The following MACROD2 variants were observed in gnomAD, a reference collection of about 807,000 sequenced individuals.
MACROD2 encodes ADP-ribose glycohydrolase MACROD2.
In MACROD2, 36 loss-of-function variants were observed where a neutral mutation model predicts 70.4. The observed-to-expected ratio is 0.51, with a 90% confidence interval of 0.39 to 0.68. The LOEUF (loss-of-function observed/expected upper bound fraction) is 0.68, where lower values mean the gene tolerates loss of function less well. Among genes scored for constraint, MACROD2 ranks in the 30% least tolerant of loss-of-function variants. The probability of loss-of-function intolerance (pLI) is 0.00; values close to 1 mark genes in which losing one functional copy is unlikely to be tolerated. For synonymous variants in MACROD2, 172 were observed against 178.8 expected, an observed-to-expected ratio of 0.96 and a Z score of 0.30; for missense variants, 496 against 538.4, an observed-to-expected ratio of 0.92 and a Z score of 0.78.
At chr20:15,033,919 C>T (rs535859211) in intron 5 of MACROD2, among the ~76,000 whole-genome samples, 10 of 152,190 alleles carry the variant, frequency 6.6e-5, no homozygotes, top group Admixed American at 1.3e-4. Context: ...GTTTAACCAA[C>T]GTTTTATTAA....
chr20:15,745,723 T>G (rs1048145677), intron 8 of MACROD2, among the ~76,000 whole-genome samples: 1 of 152,202 alleles, frequency 6.6e-6, no homozygotes, highest in African/African-American at 2.4e-5. Context: ...CCACTTAGTA[T>G]CCACATCATA....
intron 5 of MACROD2, among the ~76,000 whole-genome samples, chr20:15,041,750 T>A (rs1431539425): frequency 2.0e-5 from 3 of 152,158 alleles, no homozygotes; most frequent in Non-Finnish European, 2.9e-5. Flanking sequence ...AAACTGAATT[T>A]TTTAATTTAT....
At chr20:15,801,768 G>A (rs1300132944) in intron 8 of MACROD2, among the ~76,000 whole-genome samples, 1 of 152,048 alleles carries the variant, frequency 6.6e-6, no homozygotes, top group African/African-American at 2.4e-5. Flanking sequence ...GCATTGCATT[G>A]AATCTCTAGA....
chr20:15,152,054 T>C (rs1404694939), intron 5 of MACROD2, among the ~76,000 whole-genome samples: 2 of 151,962 alleles, frequency 1.3e-5, no homozygotes, highest in Admixed American at 1.3e-4. Flanking sequence ...GAGGGACCGA[T>C]GTGTAAAAGA....
At chr20:15,359,056 G>A (rs2078322113) in intron 6 of MACROD2, among the ~76,000 whole-genome samples, 1 of 152,036 alleles carries the variant, frequency 6.6e-6, no homozygotes, top group Non-Finnish European at 1.5e-5. Flanking sequence ...AGGGGCCTAC[G>A]GAAGTGAAAG....
chr20:14,867,200 C>T (rs1014281736), intron 5 of MACROD2, among the ~76,000 whole-genome samples: 3 of 152,044 alleles, frequency 2.0e-5, no homozygotes, highest in Non-Finnish European at 4.4e-5. Flanking sequence ...TTGATAGCTG[C>T]TTTGTAAATA....
intron 11 of MACROD2, among the ~76,000 whole-genome samples, chr20:15,935,470 A>C (rs900481429): frequency 6.6e-6 from 1 of 152,162 alleles, no homozygotes; most frequent in Admixed American, 6.5e-5. Flanking sequence ...GGGTCGTTAA[A>C]GCTCTTTTGA....
intron 6 of MACROD2, among the ~76,000 whole-genome samples, chr20:15,415,983 G>GA (rs2046142566): frequency 6.6e-6 from 1 of 152,172 alleles, no homozygotes; most frequent in African/African-American, 2.4e-5. Context: ...TGGCCCGCTA[G>GA]AGCATTTATT....
chr20:15,108,116 C>A (rs1486437295), intron 5 of MACROD2, among the ~76,000 whole-genome samples: 4 of 151,884 alleles, frequency 2.6e-5, no homozygotes, highest in African/African-American at 9.7e-5. Context: ...ATTCTGCTGC[C>A]TCCCTTCTTA....
chr20:14,717,268 C>T (rs6074776), intron 5 of MACROD2, among the ~76,000 whole-genome samples: 70,889 of 151,966 alleles, frequency 0.47, 17,006 homozygotes, highest in Non-Finnish European at 0.51. Flanking sequence ...TTGACAAGTT[C>T]GTTTCCTGGT....
At chr20:15,742,452 T>A (rs745979305) in intron 8 of MACROD2, among the ~76,000 whole-genome samples, 1 of 152,220 alleles carries the variant, frequency 6.6e-6, no homozygotes, top group Non-Finnish European at 1.5e-5. Context: ...AATTTCCCCT[T>A]CAGTTTTCAT....
At chr20:15,426,997 T>C (rs141541470) in intron 6 of MACROD2, among the ~76,000 whole-genome samples, 2 of 148,806 alleles carry the variant, frequency 1.3e-5, no homozygotes, top group East Asian at 3.9e-4. Flanking sequence ...TCTCAATCTC[T>C]CTCTCCCTGT....
At chr20:14,109,573 G>A (rs987884469) in intron 3 of MACROD2, among the ~76,000 whole-genome samples, 4 of 151,710 alleles carry the variant, frequency 2.6e-5, no homozygotes, top group East Asian at 1.9e-4. Context: ...ACATTACAAC[G>A]AATACTGCAA....
chr20:14,044,896 C>T (rs1315166773), intron 2 of MACROD2, among the ~76,000 whole-genome samples: 1 of 152,194 alleles, frequency 6.6e-6, no homozygotes, highest in Non-Finnish European at 1.5e-5. Context: ...CTCGGGGAGG[C>T]TCGGGCCACG....
chr20:14,712,620 T>C (rs2071351297), intron 5 of MACROD2, among the ~76,000 whole-genome samples: 1 of 152,194 alleles, frequency 6.6e-6, no homozygotes, highest in South Asian at 2.1e-4. Context: ...CATTACGTAA[T>C]GCCTTCAGAC....
At chr20:15,735,067 G>A (rs558021579) in intron 8 of MACROD2, among the ~76,000 whole-genome samples, 8 of 152,146 alleles carry the variant, frequency 5.3e-5, no homozygotes, top group African/African-American at 1.9e-4. Context: ...TTCAGGTGAT[G>A]CTCCTGCCTC....
intron 5 of MACROD2, among the ~76,000 whole-genome samples, chr20:14,764,509 T>TA (rs2072059473): frequency 6.6e-6 from 1 of 152,204 alleles, no homozygotes; most frequent in Admixed American, 6.5e-5. Flanking sequence ...AAAAAACTCT[T>TA]ACAAGCTATG....
intron 2 of MACROD2, among the ~76,000 whole-genome samples, chr20:14,072,374 GAGCCTGCAT>G (rs1393871284): frequency 3.5e-4 from 54 of 152,194 alleles, no homozygotes; most frequent in African/African-American, 1.2e-3. Flanking sequence ...TGGTATATGA[GAGCCTGCAT>G]AGCATGTTGA....
intron 1 of MACROD2, among the ~76,000 whole-genome samples, chr20:13,996,855 C>T (rs951820373): frequency 1.3e-5 from 2 of 152,158 alleles, no homozygotes; most frequent in African/African-American, 4.8e-5. Context: ...GAGGGTAGTG[C>T]GCATTTCTCC....
Sources: gnomAD v4.1 joint callset for allele counts (sites outside exome capture counted in the v4.1 genomes callset) on GRCh38, gnomAD v4.1.1 for gene constraint, MANE v1.5 for transcripts, NCBI Gene and HGNC (gene_info 2026-07-23, HGNC 2026-07-21) for gene names.